TTLL5: variants seen among roughly 807,000 people sequenced by gnomAD.
The protein encoded by TTLL5 is tubulin tyrosine ligase like 5.
A neutral mutation model predicts 168.4 loss-of-function variants in TTLL5; 132 were observed. The observed-to-expected ratio is 0.78, with a 90% CI of 0.68 to 0.91. The LOEUF (loss-of-function observed/expected upper bound fraction) is 0.91, where lower values mean the gene tolerates loss of function less well. Ranked by LOEUF, TTLL5 falls within the 40% of genes least tolerant of loss-of-function variation. The probability of loss-of-function intolerance (pLI) is 0.00; values close to 1 mark genes in which losing one functional copy is unlikely to be tolerated. For synonymous variants in TTLL5, 546 were observed against 558.6 expected (o/e 0.98, Z 0.32); for missense variants, 1,545 against 1,581.5 (o/e 0.98, Z 0.39).
At chr14:75,905,681 GTTC>G (rs535522225) in intron 31 of TTLL5, among the ~76,000 whole-genome samples, 64 of 152,312 alleles carry the variant, frequency 4.2e-4, no homozygotes, top group Middle Eastern at 3.4e-3. Context: ...TAACTGTGGT[GTTC>G]TTCTTGAGTT....
chr14:75,706,632 A>G (rs1000168847), intron 7 of TTLL5, among the ~76,000 whole-genome samples: 3 of 152,150 alleles, frequency 2.0e-5, no homozygotes, highest in Non-Finnish European at 2.9e-5. Context: ...AGTATTTTTA[A>G]ATTTCCATTA....
chr14:75,757,724 A>T (rs757244177), intron 18 of TTLL5: 121 of 929,188 alleles, frequency 1.3e-4, no homozygotes, highest in Middle Eastern at 6.8e-4. Context: ...GCCTAATGTC[A>T]TGTTGAATTT....
intron 3 of TTLL5, among the ~76,000 whole-genome samples, chr14:75,678,825 G>C (rs937491869): frequency 2.0e-5 from 3 of 152,156 alleles, no homozygotes; most frequent in Admixed American, 2.0e-4. Flanking sequence ...GTGTTCACCA[G>C]ATGGCTTCAT....
At chr14:75,691,249 G>A (rs1193069513) in intron 6 of TTLL5, among the ~76,000 whole-genome samples, 2 of 152,258 alleles carry the variant, frequency 1.3e-5, no homozygotes, top group East Asian at 3.9e-4. Context: ...TATTTATTTT[G>A]CATCATTGTG....
At chr14:75,724,659 A>G (rs918001556) in intron 12 of TTLL5, among the ~76,000 whole-genome samples, 1 of 152,170 alleles carries the variant, frequency 6.6e-6, no homozygotes, top group Non-Finnish European at 1.5e-5. Flanking sequence ...GCTTGTATCT[A>G]TGGGGCTTCA....
At position 75,678,280 on chromosome 14, in the gene TTLL5, T is replaced by C. The variant is rs572158800; in HGVS notation, c.182-3265T>C. Among the ~76,000 whole-genome samples the C allele has an allele frequency of 7.9e-5, 12 of 152,360 alleles. No individual in the cohort carries two copies. In the South Asian group the frequency reaches 2.5e-3, roughly 32 times the overall value. On this transcript the variant is annotated intron_variant, in intron 3 of 31. Transcript: ENST00000298832. ...CTGGAATCACCCATTACTTACATTT[T>C]GCCATATTTGCTTCTCTCTTTCTGA...
chr14:75,912,153 ACTCT>A (rs1036091399), intron 31 of TTLL5, among the ~76,000 whole-genome samples: 1 of 148,956 alleles, frequency 6.7e-6, no homozygotes, highest in Non-Finnish European at 1.5e-5. Context: ...TCATGACGTG[ACTCT>A]CTCTATGGGA....
intron 25 of TTLL5, 146 bp from the exon 26 acceptor site, chr14:75,783,001 G>GA: frequency 2.1e-6 from 2 of 940,072 alleles, no homozygotes; most frequent in South Asian, 3.7e-5. Context: ...AGTTTATGAT[G>GA]AACACTCATT....
chr14:75,946,597 T>C (rs968005382), intron 31 of TTLL5, among the ~76,000 whole-genome samples: 1 of 152,204 alleles, frequency 6.6e-6, no homozygotes, highest in Admixed American at 6.5e-5. Context: ...GGACCAAGCA[T>C]CTTCTGTGTG....
chr14:75,902,630 G>T, intron 31 of TTLL5: 1 of 458,400 alleles, frequency 2.2e-6, no homozygotes, highest in East Asian at 6.9e-5. Flanking sequence ...TTGAGGGCTT[G>T]TTGAAGTTTA....
chr14:75,818,458 G>T, intron 27 of TTLL5: 1 of 398,636 alleles, frequency 2.5e-6, no homozygotes. Context: ...TGAGATATTA[G>T]CGTGTTCCTA....
chr14:75,815,999 G>A (rs1273719905), intron 27 of TTLL5, among the ~76,000 whole-genome samples: 1 of 152,238 alleles, frequency 6.6e-6, no homozygotes, highest in Non-Finnish European at 1.5e-5. Context: ...TGCGCTGGAA[G>A]GCGAACACTC....
intron 13 of TTLL5, among the ~76,000 whole-genome samples, chr14:75,733,376 G>A (rs997412609): frequency 2.6e-5 from 4 of 152,150 alleles, no homozygotes; most frequent in Admixed American, 1.3e-4. Flanking sequence ...CCGCAGGGAG[G>A]CCTCTTGCTT....
chr14:75,848,542 T>C (rs1388234985), intron 28 of TTLL5, among the ~76,000 whole-genome samples: 1 of 150,560 alleles, frequency 6.6e-6, no homozygotes, highest in Non-Finnish European at 1.5e-5. Context: ...GTCTTCATTG[T>C]TGAATGAACT....
intron 29 of TTLL5, among the ~76,000 whole-genome samples, chr14:75,873,299 C>A (rs1351113324): frequency 6.6e-6 from 1 of 152,160 alleles, no homozygotes; most frequent in Non-Finnish European, 1.5e-5. Context: ...TGGTCTCGAT[C>A]TTCTGACCTC....
chr14:75,934,606 C>G (rs1206507239), intron 31 of TTLL5, among the ~76,000 whole-genome samples: 1 of 152,026 alleles, frequency 6.6e-6, no homozygotes, highest in African/African-American at 2.4e-5. Context: ...TGCTTCTCAT[C>G]CAGGGCTGCA....
rs1197837580 is a variant in TTLL5 at position 75,745,511 on chromosome 14, AAGG to A, written c.1423_1425del (p.Glu475del). On this transcript the variant is annotated inframe_deletion, in exon 17 of 32. Coordinates refer to ENST00000298832, the MANE Select transcript of TTLL5 (RefSeq NM_015072.5). ...CTAGATCAAAGTTTTACGAAGGGTG[AAGG>A]AGGAGAATGATCGGCGAGGTGGATT... The A allele has an allele frequency of 3.1e-6, 5 of 1,613,878 alleles. No individual in the cohort carries two copies. The highest frequency in any genetic ancestry group is 4.2e-6 in the Non-Finnish European group (5 of 1,179,974).
At chr14:75,721,056 G>C (rs1887804814) in intron 12 of TTLL5, among the ~76,000 whole-genome samples, 1 of 152,222 alleles carries the variant, frequency 6.6e-6, no homozygotes, top group African/African-American at 2.4e-5. Context: ...ACAGTTCCAA[G>C]AAGCTCTGGC....
chr14:75,777,197 T>C (rs1891765133), intron 23 of TTLL5, among the ~76,000 whole-genome samples: 1 of 152,250 alleles, frequency 6.6e-6, no homozygotes, highest in Non-Finnish European at 1.5e-5. Flanking sequence ...AAAACATTAC[T>C]GCTGGGTAGC....
Sources: gnomAD v4.1 joint callset for allele counts (sites outside exome capture counted in the v4.1 genomes callset) on GRCh38, gnomAD v4.1.1 for gene constraint, MANE v1.5 for transcripts, NCBI Gene and HGNC (gene_info 2026-07-23, HGNC 2026-07-21) for gene names.